Variants in STK32C observed in about 807,000 individuals in gnomAD.
STK32C encodes the protein serine/threonine kinase 32C.
In STK32C, 31 loss-of-function variants were observed where a neutral mutation model predicts 56.5. That is an observed-to-expected ratio of 0.55 (90% CI 0.41 to 0.74). STK32C has a LOEUF of 0.74. Ranked by LOEUF, STK32C falls within the 30% of genes least tolerant of loss-of-function variation. STK32C has a pLI of 0.00. For missense variants in STK32C, 544 were observed against 676.9 expected, an observed-to-expected ratio of 0.80 and a Z score of 2.18; for synonymous variants, 309 against 289.4, an observed-to-expected ratio of 1.07 and a Z score of -0.69.
At chr10:132,284,469 G>A (rs1259695620) in intron 1 of STK32C, among the ~76,000 whole-genome samples, 1 of 149,598 alleles carries the variant, frequency 6.7e-6, no homozygotes, top group Non-Finnish European at 1.5e-5. Flanking sequence ...GGGCAGGTGA[G>A]GTTGGGAGGG....
intron 1 of STK32C, among the ~76,000 whole-genome samples, chr10:132,305,728 A>G (rs1281794348): frequency 6.6e-6 from 1 of 152,208 alleles, no homozygotes; most frequent in Non-Finnish European, 1.5e-5. Flanking sequence ...ACCCTGTGCT[A>G]TGACTCCCAA....
chr10:132,219,381 G>C (rs2062563299), intron 10 of STK32C, among the ~76,000 whole-genome samples: 1 of 151,942 alleles, frequency 6.6e-6, no homozygotes, highest in South Asian at 2.1e-4. Context: ...GCTCACAGGT[G>C]CCTGGCCTTA....
chr10:132,225,621 G>C lies in STK32C; in HGVS notation c.683-5C>G. ...AGTCGGTCAGGTGTGCATGTCCTGTGCAGAGAGGGGTCAGGTGTGGCTGTC... is the reference window on the plus strand; with the variant it reads ...AGTCGGTCAGGTGTGCATGTCCTGTCCAGAGAGGGGTCAGGTGTGGCTGTC... On this transcript the variant is annotated splice_region_variant and splice_polypyrimidine_tract_variant and intron_variant, in intron 5 of 11. Coordinates refer to ENST00000298630, the MANE Select transcript of STK32C (RefSeq NM_173575.4). The C allele has an allele frequency of 3.1e-6, 5 of 1,611,088 alleles. No individual in the cohort carries two copies. The highest frequency in any genetic ancestry group is 3.4e-6 in the Non-Finnish European group (4 of 1,177,826).
chr10:132,295,862 G>A lies in STK32C; in HGVS notation c.262+11710C>T, dbSNP rs548214144. 9.2e-5 allele frequency among the ~76,000 whole-genome samples: 14 copies of A among 152,058 alleles called. No individual in the cohort carries two copies. The East Asian group carries it at 9.7e-4, about 11-fold the overall frequency. ...TGTGCCACTGCACTCCAGCCCGGGC[G>A]ACGGAGCAAGATTCCATCTTAAAAA... On this transcript the variant is annotated intron_variant, in intron 1 of 11. Coordinates refer to ENST00000298630, the MANE Select transcript of STK32C (RefSeq NM_173575.4).
intron 2 of STK32C, among the ~76,000 whole-genome samples, chr10:132,236,452 C>A (rs553468144): frequency 4.6e-5 from 7 of 152,334 alleles, no homozygotes; most frequent in Non-Finnish European, 7.4e-5. Flanking sequence ...TGCACGGGCC[C>A]CACACACACT....
chr10:132,227,707 C>T (rs1003115729), intron 3 of STK32C, among the ~76,000 whole-genome samples: 28 of 152,174 alleles, frequency 1.8e-4, no homozygotes, highest in African/African-American at 6.0e-4. Flanking sequence ...CATGGGAGCA[C>T]ATCTCCATTG....
chr10:132,256,280 A>G (rs777740662), intron 1 of STK32C, among the ~76,000 whole-genome samples: 1 of 152,052 alleles, frequency 6.6e-6, no homozygotes, highest in Non-Finnish European at 1.5e-5. Context: ...CTACACCTCC[A>G]GCAGGACCCT....
intron 1 of STK32C, among the ~76,000 whole-genome samples, chr10:132,261,492 C>T (rs1176580012): frequency 2.0e-5 from 3 of 152,160 alleles, no homozygotes; most frequent in East Asian, 1.9e-4. Flanking sequence ...GGGCCGGGCA[C>T]GGTGGCTCAC....
intron 10 of STK32C, among the ~76,000 whole-genome samples, chr10:132,214,666 T>C (rs2062413232): frequency 6.6e-6 from 1 of 152,222 alleles, no homozygotes. Flanking sequence ...ATAACAGTAG[T>C]AACAATGTAA....
intron 2 of STK32C, among the ~76,000 whole-genome samples, chr10:132,233,299 G>A (rs1028803282): frequency 6.6e-6 from 1 of 152,164 alleles, no homozygotes; most frequent in Non-Finnish European, 1.5e-5. Flanking sequence ...CACTCCAGAG[G>A]CAGTTCCATC....
chr10:132,321,348 T>C (rs1227112200), downstream of STK32C, among the ~76,000 whole-genome samples: 1 of 152,194 alleles, frequency 6.6e-6, no homozygotes, highest in East Asian at 1.9e-4. Flanking sequence ...TGCTTGGCGT[T>C]CATGGTACTA....
At chr10:132,291,739 A>G (rs1405011570) in intron 1 of STK32C, among the ~76,000 whole-genome samples, 1 of 151,282 alleles carries the variant, frequency 6.6e-6, no homozygotes, top group African/African-American at 2.4e-5. Context: ...TTCAGGTCCC[A>G]GAGACCCCAT....
intron 1 of STK32C, among the ~76,000 whole-genome samples, chr10:132,271,305 G>A (rs941690264): frequency 2.6e-5 from 4 of 151,936 alleles, no homozygotes; most frequent in African/African-American, 9.7e-5. Flanking sequence ...CTACAGCAAC[G>A]GTTCCCAGGC....
intron 1 of STK32C, among the ~76,000 whole-genome samples, chr10:132,282,178 C>T (rs1038318490): frequency 6.6e-6 from 1 of 152,176 alleles, no homozygotes; most frequent in African/African-American, 2.4e-5. Flanking sequence ...CTGAAAATGC[C>T]CAGTGCAGGA....
At chr10:132,248,854 C>T (rs1590257611) in intron 1 of STK32C, among the ~76,000 whole-genome samples, 1 of 152,324 alleles carries the variant, frequency 6.6e-6, no homozygotes, top group African/African-American at 2.4e-5. Flanking sequence ...CTCTGGCCCC[C>T]GAGCTGTGAA....
chr10:132,314,827 A>G (rs1285074047), intron 1 of STK32C, among the ~76,000 whole-genome samples: 1 of 152,204 alleles, frequency 6.6e-6, no homozygotes, highest in Non-Finnish European at 1.5e-5. Context: ...AGAATACCTA[A>G]CATGCAGCCA....
intron 1 of STK32C, among the ~76,000 whole-genome samples, chr10:132,288,962 A>G (rs992293438): frequency 3.9e-5 from 6 of 152,362 alleles, no homozygotes; most frequent in African/African-American, 1.2e-4. Context: ...GTTTATATTC[A>G]AAATTCATAT....
At chr10:132,315,143 A>C (rs1023216672) in intron 1 of STK32C, among the ~76,000 whole-genome samples, 1 of 152,230 alleles carries the variant, frequency 6.6e-6, no homozygotes, top group East Asian at 1.9e-4. Flanking sequence ...TCAAAAAAAA[A>C]AGAATAAGTT....
chr10:132,280,994 C>T (rs575552336), intron 1 of STK32C, among the ~76,000 whole-genome samples: 3 of 149,446 alleles, frequency 2.0e-5, no homozygotes, highest in African/African-American at 7.4e-5. Context: ...CGCCCCTGCA[C>T]TCCGTGATCA....
Sources: allele counts gnomAD v4.1 joint callset (sites outside exome capture counted in the v4.1 genomes callset), GRCh38; gene constraint gnomAD v4.1.1; transcripts MANE v1.5; gene names NCBI Gene and HGNC (gene_info 2026-07-23, HGNC 2026-07-21).